Variants in C2CD5 observed in about 807,000 individuals in gnomAD.
C2CD5 encodes the protein C2 calcium dependent domain containing 5, also known as C2 domain-containing protein 5.
C2CD5 carries 109 observed loss-of-function variants against 130.3 expected under a neutral mutation model. The ratio of observed to expected loss-of-function variants is 0.84; its 90% CI spans 0.72 to 0.98. The LOEUF (loss-of-function observed/expected upper bound fraction) is 0.98, where lower values mean the gene tolerates loss of function less well. Ranked by LOEUF, C2CD5 falls within the 50% of genes least tolerant of loss-of-function variation. C2CD5 has a pLI of 0.00. For missense variants in C2CD5, 996 were observed against 1,261.8 expected, an observed-to-expected ratio of 0.79 and a Z score of 3.19; for synonymous variants, 454 against 429.2, an observed-to-expected ratio of 1.06 and a Z score of -0.71.
At chr12:22,522,775 T>C (rs971221474) in intron 7 of C2CD5, among the ~76,000 whole-genome samples, 5 of 152,214 alleles carry the variant, frequency 3.3e-5, no homozygotes, top group African/African-American at 7.2e-5. Context: ...ATAAGTATAA[T>C]TGGATTATCT....
At chr12:22,493,137 TTTTC>T in intron 11 of C2CD5, 82 bp downstream of exon 11, 1 of 765,862 alleles carries the variant, frequency 1.3e-6, no homozygotes, top group Non-Finnish European at 2.2e-6. Context: ...CGCTATTCTC[TTTTC>T]TTTTATTTGC....
intron 10 of C2CD5, among the ~76,000 whole-genome samples, chr12:22,505,785 T>C (rs1591891712): frequency 6.6e-6 from 1 of 152,174 alleles, no homozygotes; most frequent in African/African-American, 2.4e-5. Context: ...TTTAAAGAAG[T>C]AAGCTACTAT....
At chr12:22,522,937 G>T (rs1033836186) in intron 7 of C2CD5, among the ~76,000 whole-genome samples, 30 of 152,198 alleles carry the variant, frequency 2.0e-4, no homozygotes, top group African/African-American at 7.2e-4. Context: ...CATAGGCAGG[G>T]CACAGTGGCT....
intron 9 of C2CD5, among the ~76,000 whole-genome samples, chr12:22,509,129 C>T (rs1948907378): frequency 6.6e-6 from 1 of 152,020 alleles, no homozygotes; most frequent in African/African-American, 2.4e-5. Context: ...CCACCCGCCT[C>T]GGCCTCCCAA....
chr12:22,497,223 T>C (rs1947131027), intron 10 of C2CD5, among the ~76,000 whole-genome samples: 1 of 152,138 alleles, frequency 6.6e-6, no homozygotes, highest in Non-Finnish European at 1.5e-5. Context: ...ATTATTCTAA[T>C]GTTTTAAAGC....
intron 3 of C2CD5, among the ~76,000 whole-genome samples, chr12:22,530,105 TATATATACACACAC>T (rs1951103893): frequency 6.1e-5 from 7 of 114,560 alleles, no homozygotes; most frequent in African/African-American, 2.3e-4. Flanking sequence ...TATATATATA[TATATATACACACAC>T]ACACACACAC....
rs16925105 is a variant in C2CD5, at chr12:22,522,577, T to C, written c.800+849A>G. Among the ~76,000 whole-genome samples the C allele has an allele frequency of 2.7e-3, 415 of 152,244 alleles. 9 individuals are homozygous for C. In the East Asian group the frequency reaches 0.05, roughly 19 times the overall value. On this transcript the variant is annotated intron_variant, in intron 7 of 26. Transcript: ENST00000446597. Reference sequence around the variant, plus strand: ...TTGTAAATAAAGACAAGAGATTGTATGGGCAGACCCTAAAGTATTGGCCTT... The same window carrying C: ...TTGTAAATAAAGACAAGAGATTGTACGGGCAGACCCTAAAGTATTGGCCTT...
At chr12:22,464,781 A>T (rs1186940212) in intron 22 of C2CD5, among the ~76,000 whole-genome samples, 3 of 152,214 alleles carry the variant, frequency 2.0e-5, no homozygotes, top group Non-Finnish European at 4.4e-5. Context: ...CAGACATGCA[A>T]TGGACTATTA....
At chr12:22,469,669 A>C in intron 22 of C2CD5, 40 bp downstream of exon 22, 3 of 1,276,464 alleles carry the variant, frequency 2.4e-6, no homozygotes, top group Non-Finnish European at 3.3e-6. Flanking sequence ...AGGAACTAGA[A>C]ACCAGGATTT....
intron 21 of C2CD5, 141 bp downstream of exon 21, chr12:22,470,683 C>A: frequency 1.7e-6 from 1 of 603,238 alleles, no homozygotes; most frequent in South Asian, 2.1e-5. Flanking sequence ...ACACAGTTAT[C>A]TTCATAAAGA....
intron 10 of C2CD5, among the ~76,000 whole-genome samples, chr12:22,501,773 T>G (rs1180365729): frequency 1.3e-5 from 2 of 152,114 alleles, no homozygotes; most frequent in Non-Finnish European, 2.9e-5. Flanking sequence ...ATTTACTTCA[T>G]AGTCAAACAT....
Position 22,454,174 on chromosome 12 carries a change from C to G in C2CD5, c.2878-132G>C, listed in dbSNP as rs919588959. ...AATATACCAAATAACTTAAACTTCC[C>G]TCACAATGGGGATTTACTGCATGAA... On this transcript the variant is annotated intron_variant, in intron 25 of 26. Coordinates refer to ENST00000446597, the MANE Select transcript of C2CD5 (RefSeq NM_001286176.2). The G allele has an allele frequency of 4.4e-5, 30 of 674,382 alleles. No homozygotes were observed. In the African/African-American group the frequency reaches 5.1e-4, roughly 12 times the overall value. 41.8% of individuals were successfully genotyped at this position (674,382 alleles called of 1,614,324 possible).
chr12:22,449,940 TA>T, intron 26 of C2CD5, 49 bp from the exon 27 acceptor site: 1 of 1,509,086 alleles, frequency 6.6e-7, no homozygotes, highest in Non-Finnish European at 9.1e-7. Flanking sequence ...AACACATTCA[TA>T]CTCTTCTGTT....
At chr12:22,499,392 T>G (rs1021612072) in intron 10 of C2CD5, among the ~76,000 whole-genome samples, 4 of 152,212 alleles carry the variant, frequency 2.6e-5, no homozygotes, top group Non-Finnish European at 5.9e-5. Flanking sequence ...TTTCTAACTA[T>G]TCACCTTTGG....
At chr12:22,491,902 A>T (rs1946404190) in intron 11 of C2CD5, among the ~76,000 whole-genome samples, 1 of 151,968 alleles carries the variant, frequency 6.6e-6, no homozygotes, top group Non-Finnish European at 1.5e-5. Flanking sequence ...ACAACAACAA[A>T]AAACATTTTT....
intron 20 of C2CD5, among the ~76,000 whole-genome samples, 183 bp downstream of exon 20, chr12:22,471,216 C>T (rs547255623): frequency 6.6e-6 from 1 of 152,042 alleles, no homozygotes; most frequent in East Asian, 1.9e-4. Flanking sequence ...TGCTTACCCC[C>T]TCAGATAACT....
chr12:22,459,585 C>G (rs749353846), intron 22 of C2CD5, 43 bp from the exon 23 acceptor site: 2 of 1,185,682 alleles, frequency 1.7e-6, no homozygotes, highest in Non-Finnish European at 2.4e-6. Context: ...ATGCTAAGTA[C>G]AAGCCAGTAC....
At chr12:22,493,362 T>G in intron 10 of C2CD5, 25 bp from the exon 11 acceptor site, 1 of 1,268,816 alleles carries the variant, frequency 7.9e-7, no homozygotes. Context: ...TTAAATCAGT[T>G]TATTACTCAA....
chr12:22,474,069 T>C (rs775553549), intron 16 of C2CD5, among the ~76,000 whole-genome samples: 30 of 152,178 alleles, frequency 2.0e-4, no homozygotes, highest in Non-Finnish European at 2.9e-5. Context: ...AACACAATTC[T>C]ACCACCAGCT....
Sources: gnomAD v4.1 joint callset for allele counts (sites outside exome capture counted in the v4.1 genomes callset) on GRCh38, gnomAD v4.1.1 for gene constraint, MANE v1.5 for transcripts, NCBI Gene and HGNC (gene_info 2026-07-23, HGNC 2026-07-21) for gene names.